The following GRM3 variants were observed in gnomAD, a reference collection of about 807,000 sequenced individuals.
The protein encoded by GRM3 is glutamate metabotropic receptor 3, also known as metabotropic glutamate receptor 3.
Under a neutral mutation model 70.5 loss-of-function variants are expected in GRM3, and 26 were observed. That is an observed-to-expected ratio of 0.37 (90% CI 0.27 to 0.51). GRM3 has a LOEUF of 0.51. Among genes scored for constraint, GRM3 ranks in the 20% least tolerant of loss-of-function variants. The probability of loss-of-function intolerance (pLI) is 0.93; values close to 1 mark genes in which losing one functional copy is unlikely to be tolerated. For synonymous variants in GRM3, 443 were observed against 434.9 expected (o/e 1.02, Z -0.23); for missense variants, 859 against 1,123.8 (o/e 0.76, Z 3.37).
chr7:86,701,709 A>T (rs1268791277), intron 1 of GRM3, among the ~76,000 whole-genome samples: 1 of 152,006 alleles, frequency 6.6e-6, no homozygotes, highest in African/African-American at 2.4e-5. Context: ...CTCTTATGGG[A>T]AACAAAAATT....
intron 5 of GRM3, among the ~76,000 whole-genome samples, chr7:86,851,226 C>G (rs372247596): frequency 3.9e-5 from 6 of 152,266 alleles, no homozygotes; most frequent in East Asian, 3.9e-4. Context: ...AGATCTTCCT[C>G]CTACTTCAAT....
intron 3 of GRM3, among the ~76,000 whole-genome samples, chr7:86,835,739 T>G (rs1798444586): frequency 2.0e-5 from 3 of 152,052 alleles, no homozygotes; most frequent in Admixed American, 2.0e-4. Context: ...GCCTCCTGAG[T>G]AGCTGGGAAC....
chr7:86,776,039 A>C (rs1025836251), intron 2 of GRM3: 7 of 152,102 alleles, frequency 4.6e-5, no homozygotes, highest in African/African-American at 1.4e-4. Context: ...CAGGAAAAAA[A>C]AAACAAAACT....
At chr7:86,825,731 A>G (rs1037577142) in intron 3 of GRM3, among the ~76,000 whole-genome samples, 1 of 152,214 alleles carries the variant, frequency 6.6e-6, no homozygotes, top group African/African-American at 2.4e-5. Context: ...CTTTATATAA[A>G]GAAGTCTATG....
intron 1 of GRM3, among the ~76,000 whole-genome samples, chr7:86,655,853 G>GTGTGTGTGTGTGTGT (rs1562814701): frequency 1.5e-5 from 2 of 134,724 alleles, no homozygotes; most frequent in East Asian, 2.1e-4. Flanking sequence ...TGTGTGTGTG[G>GTGTGTGTGTGTGTGT]GTGGGTGGGT....
chr7:86,723,211 T>C (rs1337764440), intron 1 of GRM3, among the ~76,000 whole-genome samples: 1 of 149,964 alleles, frequency 6.7e-6, no homozygotes, highest in Non-Finnish European at 1.5e-5. Flanking sequence ...ACATCTCCTC[T>C]TGAGTTCTAC....
intron 3 of GRM3, among the ~76,000 whole-genome samples, chr7:86,792,843 A>G (rs1797452909): frequency 6.6e-6 from 1 of 152,008 alleles, no homozygotes; most frequent in African/African-American, 2.4e-5. Context: ...CCCAGAAAAG[A>G]TCTAGGATCC....
At chr7:86,739,384 CCTT>C (rs890806969) in intron 1 of GRM3, among the ~76,000 whole-genome samples, 8 of 152,334 alleles carry the variant, frequency 5.3e-5, no homozygotes, top group Admixed American at 4.6e-4. Context: ...CTTCCAGTAA[CCTT>C]CTACTCTCGC....
intron 1 of GRM3, among the ~76,000 whole-genome samples, chr7:86,698,028 A>G (rs1020818721): frequency 1.1e-4 from 16 of 152,182 alleles, no homozygotes; most frequent in Non-Finnish European, 1.6e-4. Flanking sequence ...TCTTACAGAT[A>G]TTAAATAGAA....
intron 1 of GRM3, among the ~76,000 whole-genome samples, chr7:86,690,438 T>C (rs1584167955): frequency 6.6e-6 from 1 of 152,014 alleles, no homozygotes; most frequent in Admixed American, 6.6e-5. Flanking sequence ...AAATAAAGAG[T>C]GAATTTACAA....
intron 1 of GRM3, among the ~76,000 whole-genome samples, chr7:86,661,333 T>C (rs1177994184): frequency 6.6e-6 from 1 of 152,000 alleles, no homozygotes; most frequent in Non-Finnish European, 1.5e-5. Context: ...ATGTCTTCAT[T>C]TACTTTAACT....
intron 2 of GRM3, among the ~76,000 whole-genome samples, chr7:86,774,396 A>G (rs573181743): frequency 6.6e-6 from 1 of 152,226 alleles, no homozygotes; most frequent in Admixed American, 6.6e-5. Context: ...ACGATCCTCC[A>G]GGAGGTTTAT....
At chr7:86,856,199 T>G (rs1440156288) in intron 5 of GRM3, among the ~76,000 whole-genome samples, 1 of 152,146 alleles carries the variant, frequency 6.6e-6, no homozygotes, top group African/African-American at 2.4e-5. Context: ...GTCCCAGCAC[T>G]TTGGAAGGCC....
intron 1 of GRM3, among the ~76,000 whole-genome samples, chr7:86,693,860 A>G (rs1405446615): frequency 6.6e-6 from 1 of 152,234 alleles, no homozygotes; most frequent in African/African-American, 2.4e-5. Context: ...TTGACCACGG[A>G]AGAGCTTTGA....
intron 1 of GRM3, among the ~76,000 whole-genome samples, chr7:86,716,729 A>T (rs921245584): frequency 1.3e-5 from 2 of 151,902 alleles, no homozygotes; most frequent in Non-Finnish European, 2.9e-5. Context: ...AAATTACAGA[A>T]TTATAAGCCC....
intron 1 of GRM3, among the ~76,000 whole-genome samples, chr7:86,720,381 C>T (rs1295672451): frequency 1.3e-5 from 2 of 151,894 alleles, no homozygotes; most frequent in Non-Finnish European, 2.9e-5. Context: ...ATGAGGGTAC[C>T]ATTGAGCAGT....
rs201793291 is a variant in GRM3 at position 86,786,225 on chromosome 7, G to A, written c.469-36G>A. ...TTTCATGTCCAGTCATCTACCTCGG[G>A]GTTTCTAACAAAGGTCCTTCTTCTC... On this transcript the variant is annotated intron_variant, in intron 2 of 5. Coordinates refer to ENST00000361669, the MANE Select transcript of GRM3 (RefSeq NM_000840.3). This position sits in a 1 kb window ranked among gnomAD's most constrained non-coding sequence, Gnocchi z 6.0. 2 of 1,573,574 alleles carry A rather than the reference G, an allele frequency of 1.3e-6. No homozygotes were observed. The highest frequency in any genetic ancestry group is 1.7e-6 in the Non-Finnish European group (2 of 1,157,460).
intron 1 of GRM3, among the ~76,000 whole-genome samples, chr7:86,660,693 GC>G (rs1343733876): frequency 6.6e-6 from 1 of 151,896 alleles, no homozygotes; most frequent in African/African-American, 2.4e-5. Flanking sequence ...ACTAGGCTAT[GC>G]AGTTCTAGCA....
intron 1 of GRM3, among the ~76,000 whole-genome samples, chr7:86,708,301 C>A (rs184800514): frequency 1.9e-4 from 29 of 152,248 alleles, no homozygotes; most frequent in Admixed American, 7.9e-4. Context: ...GTTTGTATCA[C>A]CAGTTCTCCA....
Sources: gnomAD v4.1 joint callset for allele counts (sites outside exome capture counted in the v4.1 genomes callset) on GRCh38, gnomAD v4.1.1 for gene constraint, Gnocchi (gnomAD v3.1) non-coding constraint, MANE v1.5 for transcripts, NCBI Gene and HGNC (gene_info 2026-07-23, HGNC 2026-07-21) for gene names.